The following NBAS variants were observed in gnomAD, a reference collection of about 807,000 sequenced individuals.
NBAS encodes the protein NAG/BC035112 fusion.
A neutral mutation model predicts 302.5 loss-of-function variants in NBAS; 219 were observed. The ratio of observed to expected loss-of-function variants is 0.72; its 90% CI spans 0.65 to 0.81. The LOEUF (loss-of-function observed/expected upper bound fraction) is 0.81, where lower values mean the gene tolerates loss of function less well. NBAS is among the 30% of genes least tolerant of loss of function. The pLI is 0.00. For missense variants in NBAS, 2,932 were observed against 2,841.6 expected, an observed-to-expected ratio of 1.03 and a Z score of -0.72; for synonymous variants, 1,118 against 1,021.6, an observed-to-expected ratio of 1.09 and a Z score of -1.80.
At chr2:14,925,948 T>C in the NBAS span, among the ~76,000 whole-genome samples, 4 of 152,212 alleles carry the variant, frequency 2.6e-5, no homozygotes, top group South Asian at 8.3e-4. Flanking sequence ...TAAAGCAAAG[T>C]CCATGAGGAT....
intron 21 of NBAS, among the ~76,000 whole-genome samples, chr2:15,443,058 G>A (rs576975308): frequency 0.01 from 1,533 of 151,614 alleles, 30 homozygotes; most frequent in African/African-American, 0.034. Context: ...ATTCACAGCC[G>A]AATTCTACCA....
the NBAS span, among the ~76,000 whole-genome samples, chr2:14,963,822 T>C: frequency 2.0e-5 from 3 of 152,244 alleles, no homozygotes; most frequent in African/African-American, 4.8e-5. Flanking sequence ...TTGTGTACTT[T>C]CGCTATAATA....
chr2:14,810,963 C>G, the NBAS span, among the ~76,000 whole-genome samples: 1 of 152,160 alleles, frequency 6.6e-6, no homozygotes, highest in Non-Finnish European at 1.5e-5. Context: ...AAATGGAGTG[C>G]CTGATTTCAG....
chr2:15,055,563 T>G, the NBAS span, among the ~76,000 whole-genome samples: 1 of 151,384 alleles, frequency 6.6e-6, no homozygotes, highest in Non-Finnish European at 1.5e-5. Flanking sequence ...CAGAGAATGG[T>G]GAGGAAAGCA....
intron 6 of NBAS, among the ~76,000 whole-genome samples, chr2:15,541,030 T>C (rs1313173534): frequency 6.6e-6 from 1 of 152,104 alleles, no homozygotes; most frequent in Non-Finnish European, 1.5e-5. Flanking sequence ...CGCCCATACG[T>C]GCCTTTTATA....
At chr2:15,107,070 A>C in the NBAS span, among the ~76,000 whole-genome samples, 1 of 152,162 alleles carries the variant, frequency 6.6e-6, no homozygotes, top group African/African-American at 2.4e-5. Context: ...AAAGAAAAAT[A>C]TTCAGGCACA....
chr2:15,034,446 CT>C, the NBAS span, among the ~76,000 whole-genome samples: 67 of 152,236 alleles, frequency 4.4e-4, no homozygotes, highest in Middle Eastern at 3.4e-3. Flanking sequence ...GCACCCTGAT[CT>C]TGGACTTCCA....
chr2:14,998,257 A>C, the NBAS span, among the ~76,000 whole-genome samples: 5 of 152,222 alleles, frequency 3.3e-5, no homozygotes, highest in Non-Finnish European at 7.3e-5. Flanking sequence ...AAAAAAAAGA[A>C]AATGGATGCT....
At chr2:15,434,459 C>G (rs1190811551) in intron 21 of NBAS, among the ~76,000 whole-genome samples, 8 of 152,152 alleles carry the variant, frequency 5.3e-5, no homozygotes, top group Non-Finnish European at 1.0e-4. Flanking sequence ...GAAAGGAATC[C>G]TCAAGTATAA....
intron 9 of NBAS, 98 bp from the exon 10 acceptor site, chr2:15,511,448 C>T (rs1213192235): frequency 3.7e-6 from 4 of 1,073,334 alleles, no homozygotes; most frequent in East Asian, 2.4e-5. Context: ...AGAAAATTTA[C>T]CAAGTACTAT....
the NBAS span, among the ~76,000 whole-genome samples, chr2:14,871,223 G>A: frequency 3.3e-5 from 5 of 149,920 alleles, no homozygotes; most frequent in Non-Finnish European, 7.4e-5. Flanking sequence ...AAAGATGAGG[G>A]AAGAGAAAAA....
At chr2:15,044,889 T>G in the NBAS span, among the ~76,000 whole-genome samples, 1 of 152,216 alleles carries the variant, frequency 6.6e-6, no homozygotes, top group Admixed American at 6.5e-5. Flanking sequence ...AGCCTTCTGT[T>G]TGAAATAAAA....
the NBAS span, among the ~76,000 whole-genome samples, chr2:15,160,214 G>A: frequency 6.6e-6 from 1 of 152,106 alleles, no homozygotes; most frequent in East Asian, 1.9e-4. Context: ...CGAGAGGTAA[G>A]GAGACCAGGT....
chr2:15,193,709 C>T (rs895362435), intron 48 of NBAS, among the ~76,000 whole-genome samples: 5 of 151,886 alleles, frequency 3.3e-5, no homozygotes, highest in Admixed American at 6.6e-5. Context: ...TCATGATATA[C>T]TTTGATATAT....
the NBAS span, among the ~76,000 whole-genome samples, chr2:14,794,324 G>T: frequency 2.6e-5 from 4 of 152,236 alleles, no homozygotes; most frequent in Admixed American, 6.5e-5. Context: ...TCAATTGACG[G>T]TATATTTGAT....
the NBAS span, among the ~76,000 whole-genome samples, chr2:15,099,302 G>T: frequency 0.012 from 1,873 of 151,694 alleles, 42 homozygotes; most frequent in African/African-American, 0.043. Context: ...TCTCCTCCCC[G>T]CCGACCCCCA....
intron 22 of NBAS, among the ~76,000 whole-genome samples, chr2:15,427,046 T>C (rs1162607797): frequency 6.6e-6 from 1 of 152,102 alleles, no homozygotes; most frequent in Non-Finnish European, 1.5e-5. Flanking sequence ...GCCCAGATTT[T>C]CAAACCAATT....
chr2:15,464,722 A>G (rs1360904051), intron 19 of NBAS, among the ~76,000 whole-genome samples: 1 of 152,188 alleles, frequency 6.6e-6, no homozygotes, highest in Non-Finnish European at 1.5e-5. Flanking sequence ...GTTATTTCCT[A>G]AACTTGCCCA....
At chr2:14,932,772 G>A in the NBAS span, among the ~76,000 whole-genome samples, 1 of 152,180 alleles carries the variant, frequency 6.6e-6, no homozygotes, top group African/African-American at 2.4e-5. Flanking sequence ...TACAGCAAAA[G>A]CCATTGTTTA....
Sources: gnomAD v4.1 joint callset for allele counts (sites outside exome capture counted in the v4.1 genomes callset) on GRCh38, gnomAD v4.1.1 for gene constraint, MANE v1.5 for transcripts, NCBI Gene and HGNC (gene_info 2026-07-23, HGNC 2026-07-21) for gene names.